ORC4: variants seen among roughly 807,000 people sequenced by gnomAD.
ORC4 encodes the protein origin recognition complex subunit 4.
Under a neutral mutation model 63.9 loss-of-function variants are expected in ORC4, and 55 were observed. That is an observed-to-expected ratio of 0.86 (90% confidence interval 0.69 to 1.08). The LOEUF (loss-of-function observed/expected upper bound fraction) is 1.08, where lower values mean the gene tolerates loss of function less well. ORC4 is among the 50% of genes least tolerant of loss of function. The probability of loss-of-function intolerance (pLI) is 0.00; values close to 1 mark genes in which losing one functional copy is unlikely to be tolerated. For missense variants in ORC4, 511 were observed against 504.4 expected (o/e 1.01, Z -0.13); for synonymous variants, 150 against 168.5 (o/e 0.89, Z 0.85).
At chr2:147,938,659 C>T in intron 11 of ORC4, 1 of 433,210 alleles carries the variant, frequency 2.3e-6, no homozygotes, top group Admixed American at 3.8e-5. Flanking sequence ...TTATCAGGCA[C>T]TCACCATATG....
In ORC4 at chr2:147,938,379, C is replaced by A. The variant is rs1281914664; in HGVS notation, c.973G>T (p.Glu325Ter). Reference sequence around the variant, plus strand: ...TTCATTGCTATTATAAGACAGATTTCCAAGACTGATAGACCTACAGTAAAA... The same window carrying A: ...TTCATTGCTATTATAAGACAGATTTACAAGACTGATAGACCTACAGTAAAA... ...ANIVHGLSVL[E>*]ICLIIAMKHL... The change falls in exon 12 of 14, where the codon GAA (glutamate) becomes TAA (stop). Residue 325 changes from glutamate to a stop codon, truncating the protein, a stop_gained. Transcript: ENST00000392857. LOFTEE classifies it high-confidence loss of function. The A allele has an allele frequency of 2.8e-5, 44 of 1,594,238 alleles. No homozygotes were observed. Among genetic ancestry groups the A allele is most frequent in the Non-Finnish European group, 3.7e-5 (43 of 1,164,040 alleles).
At chr2:147,968,433 G>GTATC (rs1690022387) in intron 4 of ORC4, among the ~76,000 whole-genome samples, 1 of 151,868 alleles carries the variant, frequency 6.6e-6, no homozygotes, top group African/African-American at 2.4e-5. Flanking sequence ...AGGAACTCCA[G>GTATC]TATCTCAAAA....
intron 1 of ORC4, among the ~76,000 whole-genome samples, chr2:147,993,582 T>C (rs1441402447): frequency 6.6e-6 from 1 of 152,202 alleles, no homozygotes; most frequent in Admixed American, 6.5e-5. Flanking sequence ...CTAATGAATA[T>C]GTTGTCCATC....
chr2:148,014,318 GA>G (rs1693139101), intron 1 of ORC4, among the ~76,000 whole-genome samples: 1 of 152,154 alleles, frequency 6.6e-6, no homozygotes, highest in African/African-American at 2.4e-5. Flanking sequence ...GAAATTGAAG[GA>G]AAATAGAATT....
intron 4 of ORC4, among the ~76,000 whole-genome samples, chr2:147,969,890 G>A (rs539266090): frequency 2.6e-4 from 39 of 152,088 alleles, no homozygotes; most frequent in African/African-American, 9.1e-4. Flanking sequence ...AGGAATAGAA[G>A]TATGGAGATA....
At chr2:147,962,352 C>A (rs1469530184) in intron 4 of ORC4, among the ~76,000 whole-genome samples, 1 of 152,124 alleles carries the variant, frequency 6.6e-6, no homozygotes, top group Non-Finnish European at 1.5e-5. Flanking sequence ...TATGCACTCT[C>A]CAACCCTCAC....
intron 1 of ORC4, among the ~76,000 whole-genome samples, chr2:148,010,995 A>T (rs1692933466): frequency 6.6e-6 from 1 of 151,628 alleles, no homozygotes; most frequent in African/African-American, 2.4e-5. Flanking sequence ...TGCCCAGCTA[A>T]TTTTTGTATT....
chr2:148,014,407 G>A (rs1307012537), intron 1 of ORC4, among the ~76,000 whole-genome samples: 2 of 152,162 alleles, frequency 1.3e-5, no homozygotes, highest in Non-Finnish European at 2.9e-5. Flanking sequence ...AGTGACTTGG[G>A]ACTGAAAGCA....
At chr2:148,014,403 T>G (rs1459044114) in intron 1 of ORC4, among the ~76,000 whole-genome samples, 1 of 152,146 alleles carries the variant, frequency 6.6e-6, no homozygotes, top group Non-Finnish European at 1.5e-5. Context: ...GAATAGTGAC[T>G]TGGGACTGAA....
intron 8 of ORC4, among the ~76,000 whole-genome samples, chr2:147,952,044 A>T (rs1249389929): frequency 6.6e-6 from 1 of 152,234 alleles, no homozygotes; most frequent in Non-Finnish European, 1.5e-5. Flanking sequence ...TCTTAAAATA[A>T]AAACTATTAC....
At chr2:148,002,177 C>T (rs1362119664) in intron 1 of ORC4, among the ~76,000 whole-genome samples, 2 of 152,118 alleles carry the variant, frequency 1.3e-5, no homozygotes, top group Non-Finnish European at 2.9e-5. Flanking sequence ...GACTTTAACA[C>T]CCCACTGTCA....
intron 1 of ORC4, among the ~76,000 whole-genome samples, chr2:148,007,758 T>G (rs1265125770): frequency 6.6e-6 from 1 of 152,100 alleles, no homozygotes; most frequent in Non-Finnish European, 1.5e-5. Flanking sequence ...CAAATAAGAT[T>G]ACCTTAAGGC....
intron 9 of ORC4, among the ~76,000 whole-genome samples, chr2:147,945,488 A>T (rs190042237): frequency 1.3e-5 from 2 of 152,214 alleles, no homozygotes; most frequent in East Asian, 3.9e-4. Flanking sequence ...CTATTTGAGG[A>T]TAAGGCTATT....
At chr2:147,997,630 TATG>T (rs1692050199) in intron 1 of ORC4, among the ~76,000 whole-genome samples, 1 of 152,128 alleles carries the variant, frequency 6.6e-6, no homozygotes, top group Non-Finnish European at 1.5e-5. Context: ...GACAAAGCTC[TATG>T]ATCTCATGCT....
At chr2:148,016,906 G>T (rs527992713) in intron 1 of ORC4, among the ~76,000 whole-genome samples, 40 of 152,156 alleles carry the variant, frequency 2.6e-4, no homozygotes, top group African/African-American at 9.6e-4. Context: ...TATCTTCAAG[G>T]TACAAGTAAA....
intron 1 of ORC4, among the ~76,000 whole-genome samples, chr2:147,989,603 G>T (rs1318092084): frequency 6.6e-6 from 1 of 152,030 alleles, no homozygotes. Flanking sequence ...CTACTCAGGA[G>T]ACTTGAGGCA....
intron 7 of ORC4, among the ~76,000 whole-genome samples, chr2:147,952,941 G>T (rs17225527): frequency 3.4e-3 from 519 of 151,784 alleles, no homozygotes; most frequent in East Asian, 8.3e-3. Context: ...CAGGAGAATT[G>T]CTTGAACCCA....
intron 2 of ORC4, 43 bp from the exon 3 acceptor site, chr2:147,973,567 CAT>C (rs749767840): frequency 2.2e-5 from 24 of 1,070,320 alleles, no homozygotes; most frequent in South Asian, 6.9e-5. Context: ...AAATATTACA[CAT>C]GATATAAAAA....
At chr2:147,967,776 C>T (rs17219036) in intron 4 of ORC4, among the ~76,000 whole-genome samples, 1 of 152,052 alleles carries the variant, frequency 6.6e-6, no homozygotes, top group East Asian at 1.9e-4. Flanking sequence ...TAATGATATT[C>T]TTCACAGAGA....
Sources: gnomAD v4.1 joint callset for allele counts (sites outside exome capture counted in the v4.1 genomes callset) on GRCh38, gnomAD v4.1.1 for gene constraint, MANE v1.5 for transcripts, NCBI Gene and HGNC (gene_info 2026-07-23, HGNC 2026-07-21) for gene names.